The following RERE variants were observed in gnomAD, a reference collection of about 807,000 sequenced individuals.
RERE encodes the protein arginine-glutamic acid dipeptide repeats.
In RERE, 40 loss-of-function variants were observed where a neutral mutation model predicts 146.1. The ratio of observed to expected loss-of-function variants is 0.27; its 90% CI spans 0.21 to 0.36. The LOEUF (loss-of-function observed/expected upper bound fraction) is 0.36. RERE is among the 10% of genes least tolerant of loss of function. The pLI is 1.00. For synonymous variants in RERE, 1,003 were observed against 866.0 expected, an observed-to-expected ratio of 1.16 and a Z score of -2.78; for missense variants, 1,933 against 2,138.7, an observed-to-expected ratio of 0.90 and a Z score of 1.90.
At chr1:8,663,668 A>G (rs1331334269) in intron 1 of RERE, among the ~76,000 whole-genome samples, 2 of 152,180 alleles carry the variant, frequency 1.3e-5, no homozygotes, top group Non-Finnish European at 2.9e-5. Context: ...ATTCAGATAT[A>G]ATTCACGTTC....
intron 4 of RERE, among the ~76,000 whole-genome samples, chr1:8,565,778 C>T (rs1184828162): frequency 6.6e-6 from 1 of 152,160 alleles, no homozygotes; most frequent in Non-Finnish European, 1.5e-5. Flanking sequence ...TATAACTTTA[C>T]AGCCATTACA....
At chr1:8,621,579 A>G (rs1646916491) in intron 3 of RERE, among the ~76,000 whole-genome samples, 1 of 152,348 alleles carries the variant, frequency 6.6e-6, no homozygotes, top group South Asian at 2.1e-4. Context: ...TTTATAGTAT[A>G]AACAATGAAA....
chr1:8,386,575 T>TTTTTTTTTTTTTTTTTTTTTTTGAG (rs1553159899), intron 12 of RERE, among the ~76,000 whole-genome samples: 1 of 147,950 alleles, frequency 6.8e-6, no homozygotes. Context: ...CTAGAACTCT[T>TTTTTTTTTTTTTTTTTTTTTTTGAG]ACAAATGAAA....
At chr1:8,621,738 A>G (rs974949832) in intron 3 of RERE, among the ~76,000 whole-genome samples, 4 of 152,192 alleles carry the variant, frequency 2.6e-5, no homozygotes, top group African/African-American at 9.7e-5. Flanking sequence ...AGCAAAATCA[A>G]ATTCAATTTC....
intron 1 of RERE, among the ~76,000 whole-genome samples, chr1:8,759,426 G>A (rs1640708175): frequency 6.6e-6 from 1 of 152,142 alleles, no homozygotes; most frequent in African/African-American, 2.4e-5. Context: ...GGCCTTTGTT[G>A]GTCCAATCAA....
chr1:8,370,611 G>A (rs534227812), intron 12 of RERE, among the ~76,000 whole-genome samples: 60 of 152,322 alleles, frequency 3.9e-4, no homozygotes, highest in Admixed American at 1.3e-3. Flanking sequence ...GGAATGAAGC[G>A]AGTCTAGGAT....
At chr1:8,588,293 A>G (rs1310899903) in intron 4 of RERE, among the ~76,000 whole-genome samples, 1 of 152,234 alleles carries the variant, frequency 6.6e-6, no homozygotes, top group African/African-American at 2.4e-5. Flanking sequence ...TTTATATTCT[A>G]ATCTGCAAAT....
At chr1:8,391,475 T>C (rs564175750) in intron 12 of RERE, among the ~76,000 whole-genome samples, 2 of 152,158 alleles carry the variant, frequency 1.3e-5, no homozygotes, top group Non-Finnish European at 2.9e-5. Context: ...CAGCTACACT[T>C]ACTTTTTCAG....
At chr1:8,806,400 G>T (rs1641693701) in intron 1 of RERE, among the ~76,000 whole-genome samples, 1 of 151,922 alleles carries the variant, frequency 6.6e-6, no homozygotes, top group African/African-American at 2.4e-5. Context: ...GTGTGGTGGT[G>T]ATCGCCTGTA....
At chr1:8,468,096 T>A (rs1200993701) in intron 10 of RERE, among the ~76,000 whole-genome samples, 1 of 152,154 alleles carries the variant, frequency 6.6e-6, no homozygotes, top group East Asian at 1.9e-4. Context: ...AAATCAACTA[T>A]CTTAAAACAA....
chr1:8,459,044 A>C (rs1456102299), intron 11 of RERE, among the ~76,000 whole-genome samples: 2 of 152,222 alleles, frequency 1.3e-5, no homozygotes, highest in African/African-American at 4.8e-5. Context: ...TGTGCATATA[A>C]TTGATTTTTA....
At chr1:8,641,250 T>G (rs1647172459) in intron 2 of RERE, among the ~76,000 whole-genome samples, 1 of 152,134 alleles carries the variant, frequency 6.6e-6, no homozygotes, top group Admixed American at 6.5e-5. Flanking sequence ...CAAATGAAAA[T>G]AGTTTCCCTT....
chr1:8,366,915 A>C (rs1570057888), intron 12 of RERE, among the ~76,000 whole-genome samples: 3 of 99,252 alleles, frequency 3.0e-5, no homozygotes, highest in East Asian at 3.0e-4. Flanking sequence ...AAAAAAAAAA[A>C]CAAAAAAAAA....
At chr1:8,591,298 T>C (rs1214964296) in intron 4 of RERE, among the ~76,000 whole-genome samples, 4 of 152,002 alleles carry the variant, frequency 2.6e-5, no homozygotes. Flanking sequence ...TTATATATTG[T>C]ACAAAAAGAA....
chr1:8,551,271 C>G (rs1645932808), intron 6 of RERE, among the ~76,000 whole-genome samples: 1 of 152,200 alleles, frequency 6.6e-6, no homozygotes, highest in Non-Finnish European at 1.5e-5. Flanking sequence ...ACACAATAAA[C>G]CCAAGAATGT....
At position 8,361,224 on chromosome 1, in the gene RERE, C is replaced by T. The variant is rs1030471134; in HGVS notation, c.2283G>A (p.Leu761=). The change falls in exon 18 of 23, where the codon CTG becomes CTA. Residue 761 remains leucine (L), a synonymous_variant. Transcript: ENST00000400908. ...CAGAGGGCGTGGGCCCTGGCGTGGG[C>T]AGCTGAGGGGTCCCTGGAGGAGCTG... ...PSSAPPGTPQ[L]PTPGPTPSAT... is the part of the protein sequence containing the mutation. 6.5e-7 allele frequency: 1 copy of T among 1,534,854 alleles called. No homozygotes were observed. Among genetic ancestry groups the T allele is most frequent in the Admixed American group, 2.0e-5 (1 of 50,222 alleles).
chr1:8,574,770 G>A (rs966627231), intron 4 of RERE, among the ~76,000 whole-genome samples: 5 of 152,284 alleles, frequency 3.3e-5, no homozygotes, highest in South Asian at 4.1e-4. Flanking sequence ...CAGTAGTTAC[G>A]CAGTTAGTGG....
At chr1:8,495,198 A>G in intron 9 of RERE, 36 bp from the exon 10 acceptor site, 2 of 1,466,508 alleles carry the variant, frequency 1.4e-6, no homozygotes, top group Non-Finnish European at 1.9e-6. Context: ...ATTAGTACAT[A>G]GTAATATCAG....
At chr1:8,813,360 CA>C (rs1641849284) in intron 1 of RERE, among the ~76,000 whole-genome samples, 2 of 152,174 alleles carry the variant, frequency 1.3e-5, no homozygotes, top group African/African-American at 4.8e-5. Context: ...ATACTACTCT[CA>C]AAAGAACTTG....
Sources: gnomAD v4.1 joint callset for allele counts (sites outside exome capture counted in the v4.1 genomes callset) on GRCh38, gnomAD v4.1.1 for gene constraint, MANE v1.5 for transcripts, NCBI Gene and HGNC (gene_info 2026-07-23, HGNC 2026-07-21) for gene names.